HS6ST3: variants seen among roughly 807,000 people sequenced by gnomAD.
The protein encoded by HS6ST3 is heparan sulfate 6-O-sulfotransferase 3.
HS6ST3 carries 12 observed loss-of-function variants against 36.7 expected under a neutral mutation model. The ratio of observed to expected loss-of-function variants is 0.33; its 90% CI spans 0.21 to 0.53. The LOEUF is 0.53. HS6ST3 is among the 20% of genes least tolerant of loss of function. HS6ST3 has a pLI of 0.95. For missense variants in HS6ST3, 584 were observed against 640.9 expected (o/e 0.91, Z 0.96); for synonymous variants, 240 against 257.5 (o/e 0.93, Z 0.65).
intron 1 of HS6ST3, among the ~76,000 whole-genome samples, chr13:96,136,150 G>C (rs1310323206): frequency 6.6e-6 from 1 of 152,132 alleles, no homozygotes; most frequent in African/African-American, 2.4e-5. Flanking sequence ...CCCTATAGGA[G>C]GTTAGAAGTT....
At chr13:96,454,106 G>A (rs563065872) in intron 1 of HS6ST3, among the ~76,000 whole-genome samples, 13 of 152,012 alleles carry the variant, frequency 8.6e-5, no homozygotes, top group African/African-American at 3.1e-4. Flanking sequence ...CAGGGTTTCC[G>A]CTGTCTTAAT....
chr13:96,326,445 G>T lies in HS6ST3; in HGVS notation c.707+234876G>T, dbSNP rs193066599. ...ATGCGGTGTTTGGTTTTTTGTCCTT[G>T]CGATAGTTTGCTGAGAATGATGGTT... On this transcript the variant is annotated intron_variant, in intron 1 of 1. Coordinates refer to ENST00000376705, the MANE Select transcript of HS6ST3 (RefSeq NM_153456.4). 2.7e-5 allele frequency among the ~76,000 whole-genome samples: 4 copies of T among 150,472 alleles called. No homozygotes were observed. In the East Asian group the frequency reaches 5.9e-4, roughly 22 times the overall value.
intron 1 of HS6ST3, among the ~76,000 whole-genome samples, chr13:96,827,428 A>G (rs1170966323): frequency 6.6e-6 from 1 of 152,182 alleles, no homozygotes; most frequent in Non-Finnish European, 1.5e-5. Context: ...CTTCAACCCT[A>G]TTGGTTTATT....
At chr13:96,654,662 T>G (rs900088588) in intron 1 of HS6ST3, among the ~76,000 whole-genome samples, 3 of 152,184 alleles carry the variant, frequency 2.0e-5, no homozygotes, top group African/African-American at 7.2e-5. Flanking sequence ...AGCTTTGTTC[T>G]TGTGTTTGAT....
intron 1 of HS6ST3, among the ~76,000 whole-genome samples, chr13:96,411,517 A>G (rs889881534): frequency 1.3e-5 from 2 of 152,336 alleles, no homozygotes; most frequent in Middle Eastern, 3.4e-3. Context: ...GGGAAGTAGT[A>G]CTAGATGAGG....
intron 1 of HS6ST3, among the ~76,000 whole-genome samples, chr13:96,153,434 C>T (rs984973901): frequency 1.3e-5 from 2 of 152,160 alleles, no homozygotes; most frequent in African/African-American, 4.8e-5. Context: ...GATACCTTGG[C>T]TTTCCTCTCA....
At chr13:96,417,588 A>ATGTG (rs1378399011) in intron 1 of HS6ST3, among the ~76,000 whole-genome samples, 46 of 80,024 alleles carry the variant, frequency 5.7e-4, no homozygotes, top group African/African-American at 1.6e-3. Context: ...TAGCATATAT[A>ATGTG]TATGTGTGTG....
intron 1 of HS6ST3, among the ~76,000 whole-genome samples, chr13:96,404,590 G>A (rs956224062): frequency 3.3e-5 from 5 of 152,192 alleles, no homozygotes. Context: ...AGCGATATAG[G>A]AAGGAAAGTT....
chr13:96,144,685 C>T (rs1321834852), intron 1 of HS6ST3, among the ~76,000 whole-genome samples: 13 of 151,494 alleles, frequency 8.6e-5, no homozygotes, highest in Admixed American at 7.2e-4. Flanking sequence ...TACATGTGCA[C>T]AACCTGCAGG....
At position 96,331,438 on chromosome 13, in the gene HS6ST3, C is replaced by T. The variant is rs1336091930; in HGVS notation, c.707+239869C>T. Among the ~76,000 whole-genome samples, 9 of 151,650 alleles carry T rather than the reference C, an allele frequency of 5.9e-5. No individual in the cohort carries two copies. In the East Asian group the frequency reaches 1.4e-3, roughly 23 times the overall value. The stretch of plus-strand genomic sequence containing the variant: ...CTGCAGGTCTGTTGGAATACCCTGC[C>T]GTGTGAGGTGTCAGTGTGCCCCTGC... On this transcript the variant is annotated intron_variant, in intron 1 of 1. Transcript: ENST00000376705.
intron 1 of HS6ST3, among the ~76,000 whole-genome samples, chr13:96,195,944 A>G (rs997605108): frequency 1.3e-5 from 2 of 152,186 alleles, no homozygotes; most frequent in South Asian, 4.2e-4. Context: ...ATGTTAGTTT[A>G]AAACATTTTT....
intron 1 of HS6ST3, among the ~76,000 whole-genome samples, chr13:96,724,575 T>C (rs1476183590): frequency 6.6e-6 from 1 of 152,226 alleles, no homozygotes; most frequent in African/African-American, 2.4e-5. Flanking sequence ...TCTGTGACTA[T>C]AGATTAGTTT....
chr13:96,550,651 G>GTTT (rs146390953), intron 1 of HS6ST3, among the ~76,000 whole-genome samples: 26 of 148,392 alleles, frequency 1.8e-4, no homozygotes, highest in African/African-American at 5.7e-4. Flanking sequence ...AATATTTTAT[G>GTTT]TTTTTTTTTT....
chr13:96,188,288 T>A (rs958928623), intron 1 of HS6ST3, among the ~76,000 whole-genome samples: 1 of 152,166 alleles, frequency 6.6e-6, no homozygotes, highest in Non-Finnish European at 1.5e-5. Context: ...TGAATATTAG[T>A]CTTAATTTTA....
Position 96,152,316 on chromosome 13 carries a change from C to CT in HS6ST3, c.707+60766dup, listed in dbSNP as rs766489670. Among the ~76,000 whole-genome samples, 766 of 97,054 alleles carry CT rather than the reference C, an allele frequency of 7.9e-3. 19 individuals are homozygous for CT. Among genetic ancestry groups the CT allele is most frequent in the African/African-American group, 0.028 (713 of 25,644 alleles). The allele number at this position is 97,054 out of a possible 152,430, so 63.7% of individuals were successfully genotyped here. A position where few individuals can be genotyped will look rare whatever the true frequency, so the allele number is the denominator to read the frequency against. On this transcript the variant is annotated intron_variant, in intron 1 of 1. Transcript: ENST00000376705. ...AGTATATTTCCAACTGGCCCCTTTCCTTTTTTTTTTTTTTTTTTTGTTGTT... is the reference window on the plus strand; with the variant it reads ...AGTATATTTCCAACTGGCCCCTTTCCTTTTTTTTTTTTTTTTTTTTGTTGTT...
intron 1 of HS6ST3, among the ~76,000 whole-genome samples, chr13:96,113,595 A>G (rs1474073463): frequency 1.3e-5 from 2 of 152,236 alleles, no homozygotes; most frequent in African/African-American, 4.8e-5. Flanking sequence ...TTACTAAATG[A>G]GTAAACATTA....
At chr13:96,466,247 C>T (rs1405589884) in intron 1 of HS6ST3, among the ~76,000 whole-genome samples, 2 of 151,794 alleles carry the variant, frequency 1.3e-5, no homozygotes, top group East Asian at 1.9e-4. Context: ...CACCACTGCA[C>T]TCCAGCCTGG....
At chr13:96,263,547 C>T (rs1348300608) in intron 1 of HS6ST3, among the ~76,000 whole-genome samples, 1 of 152,118 alleles carries the variant, frequency 6.6e-6, no homozygotes, top group Non-Finnish European at 1.5e-5. Flanking sequence ...CTTTCTGGCC[C>T]TAGCTTTCTC....
chr13:96,575,376 C>T (rs1256949757), intron 1 of HS6ST3, among the ~76,000 whole-genome samples: 2 of 152,190 alleles, frequency 1.3e-5, no homozygotes, highest in African/African-American at 4.8e-5. Flanking sequence ...ATAGTTGGAC[C>T]TATGTTCTCA....
Sources: allele counts gnomAD v4.1 joint callset (sites outside exome capture counted in the v4.1 genomes callset), GRCh38; gene constraint gnomAD v4.1.1; transcripts MANE v1.5; gene names NCBI Gene and HGNC (gene_info 2026-07-23, HGNC 2026-07-21).